Variants in LINGO2 observed in about 807,000 individuals in gnomAD.
LINGO2 encodes the protein leucine-rich repeat and immunoglobulin-like domain-containing nogo receptor-interacting protein 2.
LINGO2 carries 14 observed loss-of-function variants against 30.6 expected under a neutral mutation model. The ratio of observed to expected loss-of-function variants is 0.46; its 90% confidence interval spans 0.30 to 0.72. The LOEUF is 0.72. Among genes scored for constraint, LINGO2 ranks in the 30% least tolerant of loss-of-function variants. The pLI, the probability that LINGO2 is intolerant of heterozygous loss-of-function variation, is 0.07. For missense variants in LINGO2, 729 were observed against 751.7 expected (o/e 0.97, Z 0.35); for synonymous variants, 317 against 288.5 (o/e 1.10, Z -1.00).
the LINGO2 span, among the ~76,000 whole-genome samples, chr9:29,063,972 A>G: frequency 3.3e-5 from 5 of 152,156 alleles, no homozygotes; most frequent in Non-Finnish European, 4.4e-5. Flanking sequence ...TCAATGAAAG[A>G]AAGTCAGTTA....
chr9:27,962,444 G>A (rs1021548100), intron 5 of LINGO2, among the ~76,000 whole-genome samples: 1 of 152,100 alleles, frequency 6.6e-6, no homozygotes, highest in African/African-American at 2.4e-5. Context: ...AACTAAGGTG[G>A]ATCAATTTCA....
At chr9:28,154,720 T>C (rs776391889) in intron 4 of LINGO2, among the ~76,000 whole-genome samples, 3 of 152,176 alleles carry the variant, frequency 2.0e-5, no homozygotes, top group Admixed American at 1.3e-4. Flanking sequence ...GGACTTTCAA[T>C]ATGTGTTGCA....
intron 3 of LINGO2, among the ~76,000 whole-genome samples, chr9:28,346,989 T>C (rs1238542956): frequency 1.3e-5 from 2 of 152,198 alleles, no homozygotes; most frequent in African/African-American, 4.8e-5. Context: ...GTCTGTTTAC[T>C]CTGTTGATAA....
intron 1 of LINGO2, among the ~76,000 whole-genome samples, chr9:28,642,871 G>A (rs138627704): frequency 5.9e-5 from 9 of 152,024 alleles, no homozygotes; most frequent in Non-Finnish European, 8.8e-5. Flanking sequence ...TTTGTTTCTT[G>A]ACGTGTTTTC....
At chr9:28,342,802 T>C (rs958300136) in intron 3 of LINGO2, among the ~76,000 whole-genome samples, 2 of 152,128 alleles carry the variant, frequency 1.3e-5, no homozygotes, top group East Asian at 3.9e-4. Context: ...TTTTCTCCTT[T>C]AGTAAAAGGA....
At chr9:28,667,295 A>T (rs13291753) in intron 1 of LINGO2, among the ~76,000 whole-genome samples, 55,925 of 151,988 alleles carry the variant, frequency 0.37, 11,593 homozygotes, top group African/African-American at 0.55. Context: ...GTCACATTTC[A>T]TCCAAATGTC....
At chr9:28,642,647 A>AT (rs1318024685) in intron 1 of LINGO2, among the ~76,000 whole-genome samples, 1 of 152,104 alleles carries the variant, frequency 6.6e-6, no homozygotes, top group Admixed American at 6.6e-5. Flanking sequence ...ACAAAAATGC[A>AT]TTGTGGAATG....
the LINGO2 span, among the ~76,000 whole-genome samples, chr9:28,984,900 T>C: frequency 1.3e-5 from 2 of 152,100 alleles, no homozygotes; most frequent in Non-Finnish European, 2.9e-5. Context: ...CCTAGCAATT[T>C]TGAAATGTAC....
At chr9:28,169,993 T>C (rs1415959076) in intron 4 of LINGO2, among the ~76,000 whole-genome samples, 2 of 152,234 alleles carry the variant, frequency 1.3e-5, no homozygotes, top group African/African-American at 4.8e-5. Flanking sequence ...TCTATATTTT[T>C]AAAATTATCA....
intron 4 of LINGO2, among the ~76,000 whole-genome samples, chr9:28,199,547 C>T (rs987653172): frequency 6.6e-6 from 1 of 152,044 alleles, no homozygotes; most frequent in African/African-American, 2.4e-5. Context: ...ACCGTGTTAG[C>T]CAGGATGGCC....
intron 2 of LINGO2, among the ~76,000 whole-genome samples, chr9:28,425,638 A>C (rs957528230): frequency 2.0e-5 from 3 of 151,940 alleles, no homozygotes; most frequent in African/African-American, 7.3e-5. Context: ...GGTTACGGGG[A>C]AGTAACTTAT....
chr9:28,029,496 T>C (rs980795599), intron 4 of LINGO2, among the ~76,000 whole-genome samples: 1 of 152,158 alleles, frequency 6.6e-6, no homozygotes, highest in African/African-American at 2.4e-5. Context: ...ACTTTGATAT[T>C]GAGAGGCAGG....
chr9:29,182,775 C>A, the LINGO2 span, among the ~76,000 whole-genome samples: 4 of 151,556 alleles, frequency 2.6e-5, no homozygotes, highest in Non-Finnish European at 5.9e-5. Flanking sequence ...AACATGGCAT[C>A]AGAAGACAAC....
At chr9:28,019,099 G>A (rs1037984576) in intron 4 of LINGO2, among the ~76,000 whole-genome samples, 1 of 152,004 alleles carries the variant, frequency 6.6e-6, no homozygotes, top group African/African-American at 2.4e-5. Flanking sequence ...ACTAAGAAGG[G>A]AAAAACAGAC....
chr9:29,128,509 G>A, the LINGO2 span, among the ~76,000 whole-genome samples: 1 of 152,156 alleles, frequency 6.6e-6, no homozygotes, highest in South Asian at 2.1e-4. Flanking sequence ...GGGAAAGTGG[G>A]AAGGAGTTGC....
the LINGO2 span, among the ~76,000 whole-genome samples, chr9:29,015,790 C>T: frequency 2.0e-5 from 3 of 152,152 alleles, no homozygotes; most frequent in East Asian, 5.8e-4. Flanking sequence ...ATTGGAAGCA[C>T]TAATTACCAT....
intron 4 of LINGO2, among the ~76,000 whole-genome samples, chr9:28,063,783 G>A (rs546087250): frequency 1.3e-5 from 2 of 152,158 alleles, no homozygotes; most frequent in Admixed American, 1.3e-4. Flanking sequence ...GTTACTGATG[G>A]CTATAGTTTG....
At chr9:28,946,341 G>A in the LINGO2 span, among the ~76,000 whole-genome samples, 1 of 152,088 alleles carries the variant, frequency 6.6e-6, no homozygotes, top group Non-Finnish European at 1.5e-5. Flanking sequence ...ATCCGAAGCT[G>A]GACATCAAGT....
chr9:28,828,695 A>G, the LINGO2 span, among the ~76,000 whole-genome samples: 7 of 152,150 alleles, frequency 4.6e-5, no homozygotes, highest in Admixed American at 1.3e-4. Flanking sequence ...TCTTAGCAGA[A>G]TATTAGTGAA....
Sources: gnomAD v4.1 joint callset for allele counts (sites outside exome capture counted in the v4.1 genomes callset) on GRCh38, gnomAD v4.1.1 for gene constraint, MANE v1.5 for transcripts, NCBI Gene and HGNC (gene_info 2026-07-23, HGNC 2026-07-21) for gene names.